Variants in TACR1 observed in about 807,000 individuals in gnomAD.
The protein encoded by TACR1 is tachykinin receptor 1, also known as substance-P receptor.
Under a neutral mutation model 35.8 loss-of-function variants are expected in TACR1, and 25 were observed. That is an observed-to-expected ratio of 0.70 (90% CI 0.51 to 0.98). The LOEUF (loss-of-function observed/expected upper bound fraction) is 0.98. Among genes scored for constraint, TACR1 ranks in the 50% least tolerant of loss-of-function variants. TACR1 has a pLI of 0.00. For synonymous variants in TACR1, 195 were observed against 206.7 expected (o/e 0.94, Z 0.48); for missense variants, 478 against 522.9 (o/e 0.91, Z 0.84).
At chr2:75,059,971 A>G (rs1243686271) in intron 2 of TACR1, among the ~76,000 whole-genome samples, 1 of 152,220 alleles carries the variant, frequency 6.6e-6, no homozygotes, top group African/African-American at 2.4e-5. Flanking sequence ...TGGTTCACTC[A>G]CATCTGGGTG....
intron 2 of TACR1, among the ~76,000 whole-genome samples, chr2:75,110,814 A>AAG (rs1673735351): frequency 6.6e-6 from 1 of 151,966 alleles, no homozygotes; most frequent in Non-Finnish European, 1.5e-5. Context: ...AATCTTACAT[A>AAG]ATTGCTGTTA....
At chr2:75,145,134 C>T (rs1417736261) in intron 1 of TACR1, among the ~76,000 whole-genome samples, 1 of 151,600 alleles carries the variant, frequency 6.6e-6, no homozygotes, top group Non-Finnish European at 1.5e-5. Flanking sequence ...ATGATTAGAT[C>T]AAAAGAGAAA....
At chr2:75,187,042 A>T (rs1177303112) in intron 1 of TACR1, 1 of 152,268 alleles carries the variant, frequency 6.6e-6, no homozygotes, top group Non-Finnish European at 1.5e-5. Flanking sequence ...TCGCCCCAGG[A>T]TTTGTAAACA....
At chr2:75,070,487 G>T (rs914900671) in intron 2 of TACR1, among the ~76,000 whole-genome samples, 10 of 152,094 alleles carry the variant, frequency 6.6e-5, no homozygotes, top group Admixed American at 2.0e-4. Flanking sequence ...CCTTCAGAGT[G>T]AGTAAAATTA....
intron 2 of TACR1, among the ~76,000 whole-genome samples, chr2:75,118,486 C>T (rs138054220): frequency 2.6e-5 from 4 of 152,218 alleles, no homozygotes; most frequent in Non-Finnish European, 4.4e-5. Context: ...ATTCTCAAAG[C>T]AAGGAAATAA....
chr2:75,122,207 T>C (rs1673983799), intron 1 of TACR1, among the ~76,000 whole-genome samples: 1 of 152,142 alleles, frequency 6.6e-6, no homozygotes, highest in South Asian at 2.1e-4. Context: ...GCGGAGACAC[T>C]CAAGCCCTGG....
At chr2:75,121,292 AAAC>A (rs1165351763) in intron 1 of TACR1, among the ~76,000 whole-genome samples, 1 of 152,234 alleles carries the variant, frequency 6.6e-6, no homozygotes, top group Admixed American at 6.5e-5. Flanking sequence ...AGTCAGCAAA[AAAC>A]AACAGCTCCT....
intron 2 of TACR1, among the ~76,000 whole-genome samples, chr2:75,086,846 C>T (rs1011858965): frequency 6.6e-5 from 10 of 152,152 alleles, no homozygotes; most frequent in African/African-American, 2.4e-4. Context: ...ACTCTTAGGT[C>T]ATATTTCCTA....
At chr2:75,163,277 T>A (rs557340188) in intron 1 of TACR1, among the ~76,000 whole-genome samples, 16 of 152,222 alleles carry the variant, frequency 1.1e-4, no homozygotes, top group Non-Finnish European at 2.2e-4. Flanking sequence ...TGGCAACTTT[T>A]ATCAATTTTT....
chr2:75,189,738 G>A (rs2104077910), intron 1 of TACR1: 1 of 152,328 alleles, frequency 6.6e-6, no homozygotes, highest in Admixed American at 6.5e-5. Context: ...TAAGTCCTGA[G>A]AAAGATTTTG....
chr2:75,096,113 G>A (rs1409580622), intron 2 of TACR1, among the ~76,000 whole-genome samples: 1 of 152,206 alleles, frequency 6.6e-6, no homozygotes, highest in Non-Finnish European at 1.5e-5. Context: ...CTTCATCTGT[G>A]AAGCAATCAG....
chr2:75,119,880 G>T (rs1673932091), intron 2 of TACR1, among the ~76,000 whole-genome samples: 3 of 152,176 alleles, frequency 2.0e-5, no homozygotes, highest in African/African-American at 7.2e-5. Context: ...AACACCAGTA[G>T]GAAAAGGGAG....
At chr2:75,082,688 T>C (rs1173619636) in intron 2 of TACR1, among the ~76,000 whole-genome samples, 1 of 152,266 alleles carries the variant, frequency 6.6e-6, no homozygotes, top group East Asian at 1.9e-4. Flanking sequence ...ATGGTGAGCA[T>C]TTTTTCATGT....
At chr2:75,074,265 T>C (rs1289543967) in intron 2 of TACR1, among the ~76,000 whole-genome samples, 1 of 152,106 alleles carries the variant, frequency 6.6e-6, no homozygotes, top group Non-Finnish European at 1.5e-5. Context: ...GTTGGCTGTG[T>C]AGTTGTGACT....
intron 1 of TACR1, among the ~76,000 whole-genome samples, chr2:75,133,958 T>C (rs1034445625): frequency 6.6e-6 from 1 of 152,188 alleles, no homozygotes; most frequent in African/African-American, 2.4e-5. Context: ...GAGACTTCTT[T>C]GTTTTGGAGA....
intron 2 of TACR1, among the ~76,000 whole-genome samples, chr2:75,115,138 G>T (rs948754077): frequency 1.3e-5 from 2 of 151,042 alleles, no homozygotes; most frequent in Non-Finnish European, 2.9e-5. Context: ...TCATGTCATA[G>T]AAACAATTTT....
At chr2:75,062,851 T>C (rs1233420258) in intron 2 of TACR1, among the ~76,000 whole-genome samples, 1 of 152,258 alleles carries the variant, frequency 6.6e-6, no homozygotes, top group Non-Finnish European at 1.5e-5. Context: ...TCTACTTTAA[T>C]TATAATTCTT....
At chr2:75,068,102 C>G (rs1201111485) in intron 2 of TACR1, among the ~76,000 whole-genome samples, 1 of 152,156 alleles carries the variant, frequency 6.6e-6, no homozygotes, top group African/African-American at 2.4e-5. Context: ...GTCTATGTCT[C>G]TAAGTAGCTA....
intron 2 of TACR1, among the ~76,000 whole-genome samples, chr2:75,092,353 G>A (rs1367726122): frequency 6.6e-6 from 1 of 151,958 alleles, no homozygotes; most frequent in Non-Finnish European, 1.5e-5. Flanking sequence ...TTAATGCATT[G>A]TGGTGCTCAG....
Sources: allele counts gnomAD v4.1 joint callset (sites outside exome capture counted in the v4.1 genomes callset), GRCh38; gene constraint gnomAD v4.1.1; transcripts MANE v1.5; gene names NCBI Gene and HGNC (gene_info 2026-07-23, HGNC 2026-07-21).